The following EIF5B variants were observed in gnomAD, a reference collection of about 807,000 sequenced individuals.
The protein encoded by EIF5B is eIF-5B.
EIF5B carries 47 observed loss-of-function variants against 147.5 expected under a neutral mutation model. That is an observed-to-expected ratio of 0.32 (90% CI 0.25 to 0.41). The LOEUF (loss-of-function observed/expected upper bound fraction) is 0.41, where lower values mean the gene tolerates loss of function less well. Among genes scored for constraint, EIF5B ranks in the 10% least tolerant of loss-of-function variants. The pLI, the probability that EIF5B is intolerant of heterozygous loss-of-function variation, is 1.00. For missense variants in EIF5B, 1,064 were observed against 1,413.2 expected (o/e 0.75, Z 3.96); for synonymous variants, 455 against 456.2 (o/e 1.00, Z 0.03).
chr2:99,354,835 G>A (rs1172351315), intron 1 of EIF5B, among the ~76,000 whole-genome samples: 3 of 130,600 alleles, frequency 2.3e-5, no homozygotes, highest in Admixed American at 9.4e-5. Flanking sequence ...CAGTGTTTCC[G>A]TCTGTCACCC....
At chr2:99,337,719 A>G (rs1351904791) in intron 1 of EIF5B, 130 bp downstream of exon 1, 2 of 1,233,302 alleles carry the variant, frequency 1.6e-6, no homozygotes, top group Non-Finnish European at 2.2e-6. Flanking sequence ...GCCTGGGCCC[A>G]GAGTGTGCGG....
At chr2:99,388,241 G>A (rs751855099) in intron 14 of EIF5B, among the ~76,000 whole-genome samples, 3 of 152,076 alleles carry the variant, frequency 2.0e-5, no homozygotes, top group Non-Finnish European at 4.4e-5. Context: ...TATAAATGCA[G>A]TTATGTTTTT....
intron 1 of EIF5B, among the ~76,000 whole-genome samples, chr2:99,348,053 A>G (rs554031553): frequency 1.7e-4 from 26 of 152,362 alleles, no homozygotes; most frequent in African/African-American, 6.0e-4. Context: ...GACATACTGG[A>G]ATCTATAATA....
intron 12 of EIF5B, among the ~76,000 whole-genome samples, chr2:99,380,215 T>G (rs1674659926): frequency 6.6e-6 from 1 of 152,124 alleles, no homozygotes; most frequent in South Asian, 2.1e-4. Flanking sequence ...GATTTTTTTT[T>G]TCTTTTGTTT....
At chr2:99,357,496 A>T (rs1320119433) in intron 1 of EIF5B, among the ~76,000 whole-genome samples, 1 of 152,230 alleles carries the variant, frequency 6.6e-6, no homozygotes, top group East Asian at 1.9e-4. Context: ...ATATAAGCAT[A>T]TTAAAAAACT....
In EIF5B at chr2:99,396,772, A is replaced by T. The variant is rs1236406107; in HGVS notation, c.3267A>T (p.Val1089=). The T allele has an allele frequency of 6.2e-7, 1 of 1,609,972 alleles. No homozygotes were observed. ...TTTTTCCTTTCAGGCACATAGCAGT[A>T]TTTCCCTGCAAGATAAAAATCCTCC... ...QKQEEFKHIA[V]FPCKIKILPQ... Residue 1089 remains valine, a synonymous_variant, in exon 22 of 24, where the codon GTA becomes GTT. Coordinates refer to ENST00000289371, the MANE Select transcript of EIF5B (RefSeq NM_015904.4).
At chr2:99,362,524 C>T (rs1674239920) in intron 4 of EIF5B, among the ~76,000 whole-genome samples, 1 of 151,984 alleles carries the variant, frequency 6.6e-6, no homozygotes, top group South Asian at 2.1e-4. Flanking sequence ...CATGGTGAAA[C>T]CCCATCTCTA....
rs1312051245 is a variant in EIF5B, at chr2:99,361,662, A to G, written c.761A>G (p.Lys254Arg). Residue 254 changes from lysine to arginine, a missense_variant, in exon 4 of 24, where the codon AAA (lysine) becomes AGA (arginine). By Grantham distance (26) the Lys-to-Arg change is conservative. This residue lies in a region of EIF5B where 458 missense variants were observed against 451.3 expected (regional missense o/e 1.01). Transcript: ENST00000289371. ...DEEKAKLRKL[K>R]EKEELETGKK... ...GAAAAAGCGAAACTGCGGAAGCTGAAAGAAAAAGAAGAGTTAGAAACAGGT... is the reference window on the plus strand; with the variant it reads ...GAAAAAGCGAAACTGCGGAAGCTGAGAGAAAAAGAAGAGTTAGAAACAGGT... The G allele has an allele frequency of 6.3e-7, 1 of 1,597,508 alleles. No homozygotes were observed. Among genetic ancestry groups the G allele is most frequent in the African/African-American group, 1.4e-5 (1 of 73,466 alleles).
chr2:99,385,534 G>A lies in EIF5B; in HGVS notation c.2271+2613G>A, dbSNP rs150024864. 4.0e-3 allele frequency among the ~76,000 whole-genome samples: 611 copies of A among 152,246 alleles called. 5 individuals are homozygous for A. The highest frequency in any genetic ancestry group is 0.014 in the African/African-American group (581 of 41,542). ...TGACTTGTTGAAGAATCAGGTGCTC[G>A]TTAGCATTTTTAGCAATATTTTAAA... On this transcript the variant is annotated intron_variant, in intron 14 of 23. Coordinates refer to ENST00000289371, the MANE Select transcript of EIF5B (RefSeq NM_015904.4).
chr2:99,399,526 A>G lies in EIF5B; in HGVS notation c.*112A>G. 2.1e-6 allele frequency: 2 copies of G among 951,318 alleles called. No homozygotes were observed. Among genetic ancestry groups the G allele is most frequent in the Non-Finnish European group, 3.2e-6 (2 of 629,948 alleles). 58.9% of individuals were successfully genotyped at this position (951,318 alleles called of 1,614,324 possible). ...TATTTGGACACTGATGGACTTAAGT[A>G]TGGAAGGAAGAAAAATAGGTGTATA... On this transcript the variant is annotated 3_prime_UTR_variant, in exon 24 of 24. Coordinates refer to ENST00000289371, the MANE Select transcript of EIF5B (RefSeq NM_015904.4).
intron 21 of EIF5B, among the ~76,000 whole-genome samples, chr2:99,395,628 C>T (rs1675027956): frequency 1.3e-5 from 2 of 152,212 alleles, no homozygotes; most frequent in Admixed American, 1.3e-4. Context: ...AGCCACTGTG[C>T]CTGGTCTGGG....
intron 1 of EIF5B, among the ~76,000 whole-genome samples, chr2:99,342,280 A>T (rs2094261489): frequency 1.3e-5 from 2 of 151,484 alleles, no homozygotes; most frequent in Non-Finnish European, 2.9e-5. Context: ...ATCAGTTGAG[A>T]TTGATTTCAA....
Position 99,390,716 on chromosome 2 carries a change from G to A in EIF5B, c.2748+11G>A. ...GAATTACGAGTGAAGGTATGCTGAG[G>A]TGGGAAGCATTGACACGTGGGGACT... On this transcript the variant is annotated intron_variant, in intron 17 of 23. Coordinates refer to ENST00000289371, the MANE Select transcript of EIF5B (RefSeq NM_015904.4). 1 of 1,594,146 alleles carries A rather than the reference G, an allele frequency of 6.3e-7. No homozygotes were observed. The highest frequency in any genetic ancestry group is 1.3e-5 in the African/African-American group (1 of 74,658).
chr2:99,346,097 C>T (rs1030210977), intron 1 of EIF5B, among the ~76,000 whole-genome samples: 1 of 152,114 alleles, frequency 6.6e-6, no homozygotes, highest in Non-Finnish European at 1.5e-5. Context: ...GTACCACCCT[C>T]GAGATTTCAC....
chr2:99,365,006 T>C (rs1177879901), intron 6 of EIF5B, among the ~76,000 whole-genome samples: 1 of 152,164 alleles, frequency 6.6e-6, no homozygotes, highest in Non-Finnish European at 1.5e-5. Flanking sequence ...GTAATAGTGT[T>C]TAGAGATCAC....
intron 1 of EIF5B, among the ~76,000 whole-genome samples, chr2:99,343,474 T>A (rs1317888031): frequency 6.6e-6 from 1 of 152,080 alleles, no homozygotes; most frequent in Non-Finnish European, 1.5e-5. Flanking sequence ...TCTGAGATAA[T>A]CTGTTGCCAA....
chr2:99,337,696 C>T (rs1298085137), intron 1 of EIF5B, 107 bp downstream of exon 1: 4 of 1,380,976 alleles, frequency 2.9e-6, no homozygotes, highest in South Asian at 2.8e-5. Context: ...CGATGAGCTT[C>T]GCGGGGTACC....
In EIF5B at chr2:99,396,681, C is replaced by A. The variant is rs1675055863; in HGVS notation, c.3255-79C>A. 2.0e-6 allele frequency: 3 copies of A among 1,498,114 alleles called. No individual in the cohort carries two copies. In the African/African-American group the frequency reaches 4.2e-5, roughly 21 times the overall value. 92.8% of individuals were successfully genotyped at this position (1,498,114 alleles called of 1,614,324 possible). On this transcript the variant is annotated intron_variant, in intron 21 of 23. Transcript: ENST00000289371. ...AGCTGCTTTCCTCTAATGGGAGAAG[C>A]CTGATGTTCAGCTGCAGTTTTTCTT...
intron 8 of EIF5B, 52 bp downstream of exon 8, chr2:99,369,533 T>C: frequency 6.9e-7 from 1 of 1,450,612 alleles, no homozygotes; most frequent in Non-Finnish European, 9.5e-7. Context: ...TAAATAGTGT[T>C]GGTGTGTCAT....
Sources: gnomAD v4.1 joint callset for allele counts (sites outside exome capture counted in the v4.1 genomes callset) on GRCh38, gnomAD v4.1.1 for gene constraint, gnomAD v4.1.1 regional missense constraint, MANE v1.5 for transcripts, NCBI Gene and HGNC (gene_info 2026-07-23, HGNC 2026-07-21) for gene names.